NCOA2: variants seen among roughly 807,000 people sequenced by gnomAD.
NCOA2 encodes the protein nuclear receptor coactivator 2, also known as class E basic helix-loop-helix protein 75.
A neutral mutation model predicts 145.1 loss-of-function variants in NCOA2; 21 were observed. The observed-to-expected ratio is 0.14, with a 90% CI of 0.10 to 0.21. NCOA2 has a LOEUF of 0.21. Ranked by LOEUF, NCOA2 falls within the 10% of genes least tolerant of loss-of-function variation. NCOA2 has a pLI of 1.00. For missense variants in NCOA2, 1,472 were observed against 1,837.6 expected (o/e 0.80, Z 3.64); for synonymous variants, 619 against 637.5 (o/e 0.97, Z 0.44).
chr8:70,246,755 T>C, intron 2 of NCOA2, among the ~76,000 whole-genome samples: 1 of 152,096 alleles, frequency 6.6e-6, no homozygotes, highest in East Asian at 1.9e-4. Context: ...CCACTCTACT[T>C]TCTGTTTCTA....
chr8:70,239,996 T>C, intron 2 of NCOA2, among the ~76,000 whole-genome samples: 1 of 152,146 alleles, frequency 6.6e-6, no homozygotes, highest in East Asian at 1.9e-4. Flanking sequence ...AAATAATCTC[T>C]TGTGCCCAAT....
intron 2 of NCOA2, among the ~76,000 whole-genome samples, chr8:70,264,781 A>G (rs1439866800): frequency 6.6e-6 from 1 of 152,162 alleles, no homozygotes; most frequent in Non-Finnish European, 1.5e-5. Context: ...TGTTCACAAA[A>G]TGGAATACTG....
chr8:70,266,978 G>C (rs1824653492), intron 2 of NCOA2, among the ~76,000 whole-genome samples: 1 of 152,158 alleles, frequency 6.6e-6, no homozygotes, highest in African/African-American at 2.4e-5. Context: ...CTGGCTAAAT[G>C]AATTTTGAAA....
chr8:70,382,717 T>C (rs998326934), intron 1 of NCOA2, among the ~76,000 whole-genome samples: 2 of 152,238 alleles, frequency 1.3e-5, no homozygotes, highest in Admixed American at 6.5e-5. Flanking sequence ...AATTGGTGGG[T>C]ACCAATTGGT....
chr8:70,258,587 T>G, intron 2 of NCOA2, among the ~76,000 whole-genome samples: 1 of 152,328 alleles, frequency 6.6e-6, no homozygotes, highest in Non-Finnish European at 1.5e-5. Context: ...TTCCAAGACC[T>G]TTAGATTCTA....
At chr8:70,276,597 G>A (rs1412438882) in intron 2 of NCOA2, among the ~76,000 whole-genome samples, 1 of 151,992 alleles carries the variant, frequency 6.6e-6, no homozygotes, top group Non-Finnish European at 1.5e-5. Flanking sequence ...TTTTATAAGG[G>A]GCTTCTCCCT....
intron 12 of NCOA2, among the ~76,000 whole-genome samples, chr8:70,147,187 C>T (rs1015595249): frequency 1.3e-5 from 2 of 151,520 alleles, no homozygotes; most frequent in Non-Finnish European, 2.9e-5. Context: ...GGCTGGAGTA[C>T]AGCGGCGCAA....
intron 5 of NCOA2, among the ~76,000 whole-genome samples, chr8:70,173,055 A>C (rs896528462): frequency 4.6e-5 from 7 of 152,250 alleles, no homozygotes; most frequent in African/African-American, 1.2e-4. Flanking sequence ...ATAAGTCACC[A>C]GATTTAAGAA....
intron 1 of NCOA2, among the ~76,000 whole-genome samples, chr8:70,321,517 C>CA (rs1161967074): frequency 4.6e-5 from 7 of 151,922 alleles, no homozygotes; most frequent in African/African-American, 1.7e-4. Context: ...TACAAATTGC[C>CA]AATTTACAAA....
At chr8:70,329,282 T>C (rs1004495848) in intron 1 of NCOA2, among the ~76,000 whole-genome samples, 1 of 152,108 alleles carries the variant, frequency 6.6e-6, no homozygotes, top group Non-Finnish European at 1.5e-5. Context: ...ACACCTGGCT[T>C]ATTTTTTGTC....
intron 1 of NCOA2, among the ~76,000 whole-genome samples, chr8:70,312,770 T>G (rs1419275211): frequency 2.6e-5 from 4 of 152,118 alleles, no homozygotes; most frequent in Non-Finnish European, 4.4e-5. Context: ...TGACCCAATA[T>G]CGTACTTCGT....
At chr8:70,420,487 G>A in the NCOA2 span, among the ~76,000 whole-genome samples, 12 of 152,270 alleles carry the variant, frequency 7.9e-5, no homozygotes, top group East Asian at 1.9e-4. Context: ...AGAAGCAACC[G>A]ATGGCATGTT....
Position 70,157,125 on chromosome 8 carries a change from C to G in NCOA2, c.1240G>C (p.Gly414Arg). ...AHQALCSGNP[G>R]QDMTLSSNIN... is the part of the protein sequence containing the mutation. Reference sequence around the variant, plus strand: ...TTGCTACTGAGGGTCATGTCCTGACCTGGGTTCCCACTGCACAGGGCCTGA... The same window carrying G: ...TTGCTACTGAGGGTCATGTCCTGACGTGGGTTCCCACTGCACAGGGCCTGA... Residue 414 changes from glycine (G) to arginine (R), a missense_variant, in exon 11 of 23, where the codon GGT becomes CGT. By Grantham distance (125) the Gly-to-Arg change is moderately radical. Transcript: ENST00000452400. 1 of 1,613,904 alleles carries G rather than the reference C, an allele frequency of 6.2e-7. No homozygotes were observed. Among genetic ancestry groups the G allele is most frequent in the East Asian group, 2.2e-5 (1 of 44,870 alleles).
intron 1 of NCOA2, among the ~76,000 whole-genome samples, chr8:70,384,586 A>C (rs1812496817): frequency 6.6e-6 from 1 of 152,238 alleles, no homozygotes; most frequent in Non-Finnish European, 1.5e-5. Context: ...TCAATTTTCC[A>C]GGTTAATGAA....
At chr8:70,150,839 A>G (rs1379902359) in intron 11 of NCOA2, among the ~76,000 whole-genome samples, 2 of 152,218 alleles carry the variant, frequency 1.3e-5, no homozygotes, top group Non-Finnish European at 2.9e-5. Flanking sequence ...ACTTTAAAAA[A>G]TCTTCCCCAA....
At chr8:70,272,548 T>C (rs779197525) in intron 2 of NCOA2, among the ~76,000 whole-genome samples, 19 of 152,204 alleles carry the variant, frequency 1.2e-4, no homozygotes, top group Non-Finnish European at 2.5e-4. Flanking sequence ...TCTTAACTGA[T>C]TGGTCTGAAA....
chr8:70,410,589 C>A, the NCOA2 span, among the ~76,000 whole-genome samples: 1 of 152,124 alleles, frequency 6.6e-6, no homozygotes, highest in Non-Finnish European at 1.5e-5. Context: ...CCTTCCTTGG[C>A]CTCCCAAAGT....
chr8:70,265,230 T>G (rs1265935601), intron 2 of NCOA2, among the ~76,000 whole-genome samples: 1 of 152,140 alleles, frequency 6.6e-6, no homozygotes, highest in East Asian at 1.9e-4. Context: ...ACCAGAGACT[T>G]CCCCTTCTCT....
intron 1 of NCOA2, among the ~76,000 whole-genome samples, chr8:70,390,771 A>T (rs1287067791): frequency 6.6e-6 from 1 of 151,516 alleles, no homozygotes. Context: ...CTGTCTCTAA[A>T]ACAACAATAA....
Sources: allele counts gnomAD v4.1 joint callset (sites outside exome capture counted in the v4.1 genomes callset), GRCh38; gene constraint gnomAD v4.1.1; transcripts MANE v1.5; gene names NCBI Gene and HGNC (gene_info 2026-07-23, HGNC 2026-07-21).